The following GLCE variants were observed in gnomAD, a reference collection of about 807,000 sequenced individuals.
GLCE encodes glucuronic acid epimerase, also known as D-glucuronyl C5-epimerase.
In GLCE, 19 loss-of-function variants were observed where a neutral mutation model predicts 47.9. The observed-to-expected ratio is 0.40, with a 90% CI of 0.28 to 0.58. GLCE has a LOEUF of 0.58. Ranked by LOEUF, GLCE falls within the 20% of genes least tolerant of loss-of-function variation. The probability of loss-of-function intolerance (pLI) is 0.48; values close to 1 mark genes in which losing one functional copy is unlikely to be tolerated. For synonymous variants in GLCE, 245 were observed against 263.4 expected (o/e 0.93, Z 0.68); for missense variants, 556 against 743.3 (o/e 0.75, Z 2.93).
chr15:69,166,647 C>T (rs1489614722), intron 1 of GLCE, among the ~76,000 whole-genome samples: 4 of 152,166 alleles, frequency 2.6e-5, no homozygotes, highest in South Asian at 2.1e-4. Context: ...AGGCCAGGCG[C>T]GGTGGCTTAC....
intron 1 of GLCE, among the ~76,000 whole-genome samples, chr15:69,192,398 A>G (rs920489231): frequency 6.6e-6 from 1 of 151,910 alleles, no homozygotes; most frequent in Non-Finnish European, 1.5e-5. Flanking sequence ...TAGAAGTTTT[A>G]TTTGATTCTT....
intron 2 of GLCE, 105 bp from the exon 3 acceptor site, chr15:69,255,689 A>T (rs2052910422): frequency 3.0e-6 from 2 of 662,624 alleles, no homozygotes; most frequent in Admixed American, 2.9e-5. Context: ...AAATTGTCCT[A>T]ATACAGTTGT....
At chr15:69,260,798 A>G in intron 3 of GLCE, 1 of 323,064 alleles carries the variant, frequency 3.1e-6, no homozygotes, top group Non-Finnish European at 5.7e-6. Context: ...ATCTGTAGCC[A>G]TGAGCAAAAG....
intron 1 of GLCE, among the ~76,000 whole-genome samples, chr15:69,195,475 T>A (rs1009657142): frequency 1.3e-5 from 2 of 152,108 alleles, no homozygotes; most frequent in Non-Finnish European, 2.9e-5. Flanking sequence ...TTAACAAAAT[T>A]TGAAATTTTT....
chr15:69,186,133 A>C (rs1394656991), intron 1 of GLCE, among the ~76,000 whole-genome samples: 1 of 152,190 alleles, frequency 6.6e-6, no homozygotes, highest in Non-Finnish European at 1.5e-5. Context: ...ATGTTCAGCT[A>C]TCCAGAAGCT....
In GLCE at chr15:69,259,714, G is replaced by A. The variant is rs534970713; in HGVS notation, c.587-1373G>A. ...GTTCTTGTGCCAGTTGCACATTATT[G>A]TAGTCACCACTCATGTTTAATGAAG... is the stretch of plus-strand genomic sequence containing the variant. On this transcript the variant is annotated intron_variant, in intron 3 of 4. Transcript: ENST00000261858. Among the ~76,000 whole-genome samples, 15 of 152,204 alleles carry A rather than the reference G, an allele frequency of 9.9e-5. No individual in the cohort carries two copies. The South Asian group carries it at 3.1e-3, about 32-fold the overall frequency.
chr15:69,248,641 T>G (rs1055223208), intron 2 of GLCE, among the ~76,000 whole-genome samples: 3 of 151,144 alleles, frequency 2.0e-5, no homozygotes, highest in African/African-American at 7.3e-5. Flanking sequence ...CTAGGCACAG[T>G]TTTTTTTTGC....
At chr15:69,230,676 T>C (rs2140403390) in intron 2 of GLCE, among the ~76,000 whole-genome samples, 1 of 152,360 alleles carries the variant, frequency 6.6e-6, no homozygotes, top group Middle Eastern at 3.4e-3. Context: ...CTATTCTAAG[T>C]GTCAACAACC....
Position 69,268,426 on chromosome 15 carries a change from T to C in GLCE, c.1036T>C (p.Ser346Pro). Residue 346 changes from serine (S) to proline (P), a missense_variant, in exon 5 of 5, where the codon TCA becomes CCA. By Grantham distance (74) the Ser-to-Pro change is moderately conservative (BLOSUM62 -1). This residue lies in a region of GLCE where 245 missense variants were observed against 368.1 expected (regional missense o/e 0.67). Coordinates refer to ENST00000261858, the MANE Select transcript of GLCE (RefSeq NM_015554.3). ...DIYYGIGPRT[S>P]WSTVTRDLVT... ...ATACTATGGCATTGGGCCCAGAACT[T>C]CATGGAGCACAGTTACCAGGGACCT... 6.2e-7 allele frequency: 1 copy of C among 1,614,076 alleles called. No individual in the cohort carries two copies. Among genetic ancestry groups the C allele is most frequent in the Non-Finnish European group, 8.5e-7 (1 of 1,179,932 alleles).
chr15:69,255,934 C>T lies in GLCE; in HGVS notation c.128C>T (p.Ser43Leu), dbSNP rs749152412. ...AAAGCAATCCAGTTTCCACGGCGTT[C>T]GAGTAGTGGCTTCAGAGTGGATGGG... ...SDKAIQFPRR[S>L]SSGFRVDGFE... Residue 43 changes from serine (S) to leucine (L), a missense_variant, in exon 3 of 5, where the codon TCG (serine) becomes TTG (leucine). Physicochemically the swap from Ser to Leu is moderately radical, Grantham distance 145 (BLOSUM62 -2). This residue lies in a region of GLCE where 237 missense variants were observed against 310.9 expected (regional missense o/e 0.76). Coordinates refer to ENST00000261858, the MANE Select transcript of GLCE (RefSeq NM_015554.3). 67 of 1,613,780 alleles carry T rather than the reference C, an allele frequency of 4.2e-5. No individual in the cohort carries two copies. Among genetic ancestry groups the T allele is most frequent in the Non-Finnish European group, 5.0e-5 (59 of 1,180,014 alleles).
At chr15:69,230,101 A>G (rs2052501296) in intron 2 of GLCE, among the ~76,000 whole-genome samples, 1 of 151,672 alleles carries the variant, frequency 6.6e-6, no homozygotes, top group South Asian at 2.1e-4. Context: ...CCAGCTACTC[A>G]GGAGGTTGAG....
intron 4 of GLCE, among the ~76,000 whole-genome samples, chr15:69,265,421 G>A (rs1595792526): frequency 1.3e-5 from 2 of 152,014 alleles, no homozygotes; most frequent in South Asian, 2.1e-4. Flanking sequence ...GTTATTTAAC[G>A]TCCTCTGTAT....
chr15:69,249,509 CAAT>C (rs1425866746), intron 2 of GLCE, among the ~76,000 whole-genome samples: 1 of 152,026 alleles, frequency 6.6e-6, no homozygotes, highest in East Asian at 1.9e-4. Flanking sequence ...TACTCAGTAT[CAAT>C]AAATTATTTT....
At chr15:69,208,537 A>C (rs1426649904) in intron 1 of GLCE, among the ~76,000 whole-genome samples, 1 of 152,068 alleles carries the variant, frequency 6.6e-6, no homozygotes, top group Non-Finnish European at 1.5e-5. Flanking sequence ...TAAGTAGCTT[A>C]AAGCCTTAAA....
intron 1 of GLCE, among the ~76,000 whole-genome samples, chr15:69,206,878 A>G (rs1044289194): frequency 6.6e-6 from 1 of 152,054 alleles, no homozygotes; most frequent in African/African-American, 2.4e-5. Context: ...AGGAAATAAT[A>G]CATTTGTATA....
chr15:69,240,300 A>G (rs1383702683), intron 2 of GLCE, among the ~76,000 whole-genome samples: 2 of 25,076 alleles, frequency 8.0e-5, no homozygotes, highest in African/African-American at 1.8e-4. Flanking sequence ...AAAAAAAAAA[A>G]AAAAAAAAAA....
At chr15:69,266,164 C>G (rs2140456449) in intron 4 of GLCE, among the ~76,000 whole-genome samples, 1 of 152,254 alleles carries the variant, frequency 6.6e-6, no homozygotes, top group East Asian at 1.9e-4. Context: ...TGTTCTCATT[C>G]TTGATACAAC....
At chr15:69,169,941 TA>T (rs1439670629) in intron 1 of GLCE, among the ~76,000 whole-genome samples, 3 of 152,198 alleles carry the variant, frequency 2.0e-5, no homozygotes, top group African/African-American at 7.2e-5. Flanking sequence ...ACTAATCTCT[TA>T]TTATAAGATT....
chr15:69,175,544 C>G (rs1566947126), intron 1 of GLCE, among the ~76,000 whole-genome samples: 2 of 152,132 alleles, frequency 1.3e-5, no homozygotes, highest in African/African-American at 4.8e-5. Flanking sequence ...AGAAGTATGT[C>G]TGTGACAACA....
Sources: allele counts gnomAD v4.1 joint callset (sites outside exome capture counted in the v4.1 genomes callset), GRCh38; gene constraint gnomAD v4.1.1; regional missense constraint gnomAD v4.1.1; transcripts MANE v1.5; gene names NCBI Gene and HGNC (gene_info 2026-07-23, HGNC 2026-07-21).